HPSE2: variants seen among roughly 807,000 people sequenced by gnomAD.
The protein encoded by HPSE2 is heparanase 2 (inactive), also known as inactive heparanase-2.
A neutral mutation model predicts 60.5 loss-of-function variants in HPSE2; 38 were observed. The ratio of observed to expected loss-of-function variants is 0.63; its 90% CI spans 0.48 to 0.82. HPSE2 has a LOEUF of 0.82. Among genes scored for constraint, HPSE2 ranks in the 40% least tolerant of loss-of-function variants. The pLI is 0.00. For missense variants in HPSE2, 713 were observed against 740.4 expected, an observed-to-expected ratio of 0.96 and a Z score of 0.43; for synonymous variants, 295 against 293.2, an observed-to-expected ratio of 1.01 and a Z score of -0.06.
chr10:98,986,959 T>C (rs1470111603), intron 3 of HPSE2, among the ~76,000 whole-genome samples: 2 of 152,126 alleles, frequency 1.3e-5, no homozygotes, highest in Admixed American at 6.5e-5. Flanking sequence ...GCTGAGTCTC[T>C]GAACAGACCA....
chr10:99,090,231 C>G (rs930103226), intron 3 of HPSE2, among the ~76,000 whole-genome samples: 49 of 152,012 alleles, frequency 3.2e-4, no homozygotes, highest in African/African-American at 1.2e-3. Flanking sequence ...TCCCTAGCCC[C>G]CCTTTCCTGC....
chr10:98,621,941 C>T (rs1031663521), intron 7 of HPSE2, among the ~76,000 whole-genome samples: 1 of 152,184 alleles, frequency 6.6e-6, no homozygotes, highest in African/African-American at 2.4e-5. Context: ...GCCAGCTATG[C>T]ACTAATGAGG....
At chr10:98,767,808 A>C (rs1950157171) in intron 3 of HPSE2, among the ~76,000 whole-genome samples, 1 of 145,288 alleles carries the variant, frequency 6.9e-6, no homozygotes, top group Non-Finnish European at 1.5e-5. Flanking sequence ...TTAATATACT[A>C]TACACTTATT....
chr10:99,269,228 C>A, the HPSE2 span, among the ~76,000 whole-genome samples: 2 of 151,450 alleles, frequency 1.3e-5, no homozygotes, highest in Admixed American at 6.6e-5. Flanking sequence ...ACACATAGAC[C>A]CATATAAAAT....
At chr10:99,274,815 T>G in the HPSE2 span, among the ~76,000 whole-genome samples, 2 of 152,232 alleles carry the variant, frequency 1.3e-5, no homozygotes, top group Non-Finnish European at 2.9e-5. Context: ...CAGAGTAAAC[T>G]GGAGGAAGTT....
the HPSE2 span, among the ~76,000 whole-genome samples, chr10:99,291,556 C>T: frequency 7.1e-6 from 1 of 141,004 alleles, no homozygotes; most frequent in Non-Finnish European, 1.5e-5. Context: ...TGCACTCCAG[C>T]CTGGTGACAA....
At chr10:98,478,467 C>G (rs183778588) in intron 11 of HPSE2, among the ~76,000 whole-genome samples, 1 of 152,116 alleles carries the variant, frequency 6.6e-6, no homozygotes. Flanking sequence ...TCTTGTCCAA[C>G]CCCCGACTGA....
At chr10:98,945,140 C>A (rs1290476152) in intron 3 of HPSE2, among the ~76,000 whole-genome samples, 1 of 151,932 alleles carries the variant, frequency 6.6e-6, no homozygotes, top group African/African-American at 2.4e-5. Flanking sequence ...ATGGAATTCC[C>A]CAATACATCA....
At chr10:98,674,205 A>ACAG (rs1271663191) in intron 6 of HPSE2, among the ~76,000 whole-genome samples, 2 of 152,244 alleles carry the variant, frequency 1.3e-5, no homozygotes, top group Non-Finnish European at 2.9e-5. Context: ...TCACTCCCAT[A>ACAG]CAGTATACTA....
intron 9 of HPSE2, among the ~76,000 whole-genome samples, chr10:98,605,394 C>T (rs1039344305): frequency 1.3e-5 from 2 of 152,138 alleles, no homozygotes; most frequent in Admixed American, 1.3e-4. Flanking sequence ...TCTACAGAAA[C>T]TAAAACAGTG....
chr10:99,029,368 TAA>T (rs1338904069), intron 3 of HPSE2, among the ~76,000 whole-genome samples: 1 of 151,990 alleles, frequency 6.6e-6, no homozygotes, highest in Admixed American at 6.6e-5. Flanking sequence ...AGTGTAGAAA[TAA>T]AGACTCAAGA....
At chr10:99,152,130 T>C (rs1384993030) in intron 2 of HPSE2, among the ~76,000 whole-genome samples, 2 of 151,638 alleles carry the variant, frequency 1.3e-5, no homozygotes, top group Admixed American at 6.6e-5. Context: ...GCTAACACAG[T>C]GAAACCCCGT....
intron 3 of HPSE2, among the ~76,000 whole-genome samples, chr10:98,771,614 T>C (rs1950242463): frequency 6.6e-6 from 1 of 152,126 alleles, no homozygotes; most frequent in South Asian, 2.1e-4. Flanking sequence ...CTAAGATGTA[T>C]CAATAGGAGC....
chr10:98,749,984 G>T (rs1949722153), intron 3 of HPSE2, among the ~76,000 whole-genome samples: 1 of 104,698 alleles, frequency 9.6e-6, no homozygotes, highest in Non-Finnish European at 2.1e-5. Context: ...ATTGCAATGA[G>T]CAAAACAGAA....
At chr10:98,489,119 C>T (rs902106896) in intron 10 of HPSE2, among the ~76,000 whole-genome samples, 8 of 152,172 alleles carry the variant, frequency 5.3e-5, no homozygotes, top group African/African-American at 1.9e-4. Flanking sequence ...TTACCATTCC[C>T]TGCCCCGTAT....
chr10:98,473,551 G>A (rs66683005), intron 11 of HPSE2, among the ~76,000 whole-genome samples: 58,444 of 146,660 alleles, frequency 0.4, 12,803 homozygotes, highest in African/African-American at 0.6. Context: ...AGAAAGAGAG[G>A]AAGAGAAAAT....
intron 11 of HPSE2, among the ~76,000 whole-genome samples, chr10:98,465,396 A>G (rs1043843592): frequency 4.6e-5 from 7 of 152,232 alleles, no homozygotes; most frequent in African/African-American, 1.2e-4. Flanking sequence ...TAAGCCATAC[A>G]GCCAATGAGT....
chr10:98,732,045 A>G (rs1949241417), intron 4 of HPSE2, among the ~76,000 whole-genome samples: 1 of 152,224 alleles, frequency 6.6e-6, no homozygotes, highest in Non-Finnish European at 1.5e-5. Context: ...CAATTGCATC[A>G]AAAAGAATAG....
At chr10:98,939,474 AG>A (rs1954921091) in intron 3 of HPSE2, among the ~76,000 whole-genome samples, 1 of 143,742 alleles carries the variant, frequency 7.0e-6, no homozygotes, top group Non-Finnish European at 1.5e-5. Context: ...AAAGATCAAA[AG>A]AGACAAAGAA....
Sources: allele counts gnomAD v4.1 joint callset (sites outside exome capture counted in the v4.1 genomes callset), GRCh38; gene constraint gnomAD v4.1.1; transcripts MANE v1.5; gene names NCBI Gene and HGNC (gene_info 2026-07-23, HGNC 2026-07-21).